WNT9B: variants seen among roughly 807,000 people sequenced by gnomAD.
WNT9B encodes Wnt family member 9B.
WNT9B carries 12 observed loss-of-function variants against 30.2 expected under a neutral mutation model. The ratio of observed to expected loss-of-function variants is 0.40; its 90% CI spans 0.26 to 0.64. The LOEUF (loss-of-function observed/expected upper bound fraction) is 0.64, where lower values mean the gene tolerates loss of function less well. WNT9B is among the 30% of genes least tolerant of loss of function. The probability of loss-of-function intolerance (pLI) is 0.42; values close to 1 mark genes in which losing one functional copy is unlikely to be tolerated. For missense variants in WNT9B, 442 were observed against 485.2 expected (o/e 0.91, Z 0.84); for synonymous variants, 218 against 216.9 (o/e 1.01, Z -0.05).
intron 1 of WNT9B, among the ~76,000 whole-genome samples, chr17:46,853,488 C>G (rs978880973): frequency 2.0e-5 from 3 of 150,850 alleles, no homozygotes; most frequent in Non-Finnish European, 4.4e-5. Flanking sequence ...TCTCCTGCCT[C>G]AGCCTCCTGA....
intron 1 of WNT9B, among the ~76,000 whole-genome samples, chr17:46,839,338 G>T (rs1016379119): frequency 1.3e-5 from 2 of 152,340 alleles, no homozygotes; most frequent in East Asian, 1.9e-4. Context: ...CCAGCTGTGG[G>T]TACCTGACCC....
downstream of WNT9B, chr17:46,885,540 T>C (rs1011509840): frequency 1.3e-5 from 2 of 152,820 alleles, no homozygotes; most frequent in African/African-American, 4.8e-5. Context: ...TGGTCTCAAG[T>C]GATCTGCCAG....
chr17:46,849,567 T>G (rs2084815525), upstream of WNT9B, among the ~76,000 whole-genome samples: 1 of 152,188 alleles, frequency 6.6e-6, no homozygotes, highest in East Asian at 1.9e-4. Flanking sequence ...TGATCGTGGT[T>G]CAAAATCTTA....
chr17:46,841,255 C>T (rs967593520), intron 1 of WNT9B, among the ~76,000 whole-genome samples: 28 of 152,304 alleles, frequency 1.8e-4, no homozygotes, highest in African/African-American at 6.5e-4. Context: ...GTCGGAGAAA[C>T]GGAGGCTCTG....
In WNT9B at chr17:46,880,036, C is replaced by G. The variant is rs964359506; in HGVS notation, c.*3318C>G. On this transcript the variant is annotated 3_prime_UTR_variant, in exon 4 of 4. Transcript: ENST00000290015. ...TTTGCTTGTAAAAATGAATTGTTTT[C>G]CACTGGATTTCTGGCTGCTTTTGCA... Among the ~76,000 whole-genome samples the G allele has an allele frequency of 4.6e-5, 7 of 152,210 alleles. No individual in the cohort carries two copies. Among genetic ancestry groups the G allele is most frequent in the African/African-American group, 1.4e-4 (6 of 41,464 alleles).
chr17:46,881,897 C>T (rs2085427573), downstream of WNT9B, among the ~76,000 whole-genome samples: 1 of 152,222 alleles, frequency 6.6e-6, no homozygotes, highest in Non-Finnish European at 1.5e-5. Context: ...AACAGAACCA[C>T]AAGGCCATCA....
At chr17:46,864,869 A>G (rs1475124738) in intron 1 of WNT9B, among the ~76,000 whole-genome samples, 1 of 152,042 alleles carries the variant, frequency 6.6e-6, no homozygotes, top group African/African-American at 2.4e-5. Context: ...GCTTCCCCGC[A>G]CAGCCTCCAG....
intron 1 of WNT9B, among the ~76,000 whole-genome samples, chr17:46,844,764 T>C (rs1191625304): frequency 6.6e-6 from 1 of 152,198 alleles, no homozygotes; most frequent in Non-Finnish European, 1.5e-5. Context: ...GGCATATTTT[T>C]AAACTTCTAG....
rs946226246 is a variant in WNT9B, at chr17:46,877,441, T to G, written c.*723T>G. ...GTCTCGAGAGCTGGGTTATGCACAC[T>G]CACCCAGCCGTGCTCAAAACTACCA... On this transcript the variant is annotated 3_prime_UTR_variant, in exon 4 of 4. Coordinates refer to ENST00000290015, the MANE Select transcript of WNT9B (RefSeq NM_003396.3). Among the ~76,000 whole-genome samples the G allele has an allele frequency of 6.6e-6, 1 of 152,092 alleles. No homozygotes were observed. Among genetic ancestry groups the G allele is most frequent in the Non-Finnish European group, 1.5e-5 (1 of 67,988 alleles).
chr17:46,861,935 A>C (rs1033869697), intron 1 of WNT9B, among the ~76,000 whole-genome samples: 2 of 152,188 alleles, frequency 1.3e-5, no homozygotes, highest in African/African-American at 4.8e-5. Context: ...AGGCTGAGGC[A>C]GGTGGATCAC....
Position 46,851,606 on chromosome 17 carries a change from G to A in WNT9B, c.-33G>A, listed in dbSNP as rs1008032473. The A allele has an allele frequency of 9.1e-6, 11 of 1,207,814 alleles. No homozygotes were observed. The African/African-American group carries it at 9.5e-5, about 10-fold the overall frequency. The allele number at this position is 1,207,814 out of a possible 1,614,324, so 74.8% of individuals were successfully genotyped here. On this transcript the variant is annotated 5_prime_UTR_variant, in exon 1 of 4. Coordinates refer to ENST00000290015, the MANE Select transcript of WNT9B (RefSeq NM_003396.3). The surrounding 1 kb of genome is among the most constrained non-coding windows in gnomAD (Gnocchi z 4.3). ...GGAGCTGCGAGCTTGAGCGGCGCGA[G>A]GAGATGCTAGAGGGCGCAGCGCCGC... is the stretch of plus-strand genomic sequence containing the variant.
upstream of WNT9B, among the ~76,000 whole-genome samples, chr17:46,848,254 C>T (rs1028852635): frequency 3.3e-5 from 5 of 152,144 alleles, no homozygotes; most frequent in South Asian, 2.1e-4. Context: ...AGCCCGTGTC[C>T]GAGCCCAGGA....
chr17:46,876,935 A>C lies in WNT9B; in HGVS notation c.*217A>C. 1 of 1,322,990 alleles carries C rather than the reference A, an allele frequency of 7.6e-7. No homozygotes were observed. The highest frequency in any genetic ancestry group is 2.8e-5 in the East Asian group (1 of 35,728). The allele number at this position is 1,322,990 out of a possible 1,614,324, so 82.0% of individuals were successfully genotyped here. ...GAAGCAAAGCCTCCTCCCTTAACCCAAGCATCCCCAACCTTGTTGAGGACT... is the reference window on the plus strand; with the variant it reads ...GAAGCAAAGCCTCCTCCCTTAACCCCAGCATCCCCAACCTTGTTGAGGACT... On this transcript the variant is annotated 3_prime_UTR_variant, in exon 4 of 4. Transcript: ENST00000290015.
intron 1 of WNT9B, among the ~76,000 whole-genome samples, chr17:46,842,437 C>T (rs1265194657): frequency 3.9e-5 from 6 of 152,238 alleles, no homozygotes; most frequent in Admixed American, 1.3e-4. Context: ...TGCAGTGGCG[C>T]GATCACGGCT....
At chr17:46,883,592 C>A (rs1019689556), downstream of WNT9B, among the ~76,000 whole-genome samples, 1 of 152,156 alleles carries the variant, frequency 6.6e-6, no homozygotes, top group African/African-American at 2.4e-5. Flanking sequence ...GCCTATGATC[C>A]CCATTTTATA....
At chr17:46,861,778 G>A (rs1454823874) in intron 1 of WNT9B, among the ~76,000 whole-genome samples, 1 of 152,220 alleles carries the variant, frequency 6.6e-6, no homozygotes, top group African/African-American at 2.4e-5. Flanking sequence ...CCAAGAGGCT[G>A]GTTTTAGGGC....
rs145939422 is a variant in WNT9B at position 46,876,346 on chromosome 17, G to C, written c.702G>C (p.Thr234=). 4 of 1,614,000 alleles carry C rather than the reference G, an allele frequency of 2.5e-6. No individual in the cohort carries two copies. Among genetic ancestry groups the C allele is most frequent in the Non-Finnish European group, 2.5e-6 (3 of 1,180,050 alleles). ...CWKQLSPFRE[T]GQVLKLRYDS... is the part of the protein sequence containing the mutation. ...AGCAGCTCTCCCCGTTCCGTGAGAC[G>C]GGCCAGGTGCTGAAACTGCGCTATG... The change falls in exon 4 of 4, where the codon ACG becomes ACC. Residue 234 remains threonine (T), a synonymous_variant. Coordinates refer to ENST00000290015, the MANE Select transcript of WNT9B (RefSeq NM_003396.3).
intron 1 of WNT9B, among the ~76,000 whole-genome samples, chr17:46,859,285 T>C (rs1177079605): frequency 6.6e-6 from 1 of 152,188 alleles, no homozygotes; most frequent in Non-Finnish European, 1.5e-5. Flanking sequence ...CAATCTTAGC[T>C]TTTACCCTTA....
At chr17:46,858,188 C>T (rs1203158702) in intron 1 of WNT9B, among the ~76,000 whole-genome samples, 1 of 152,182 alleles carries the variant, frequency 6.6e-6, no homozygotes, top group African/African-American at 2.4e-5. Flanking sequence ...CCTCGGCCTC[C>T]CAAAGTGCTG....
Sources: allele counts gnomAD v4.1 joint callset (sites outside exome capture counted in the v4.1 genomes callset), GRCh38; gene constraint gnomAD v4.1.1; non-coding constraint Gnocchi (gnomAD v3.1); transcripts MANE v1.5; gene names NCBI Gene and HGNC (gene_info 2026-07-23, HGNC 2026-07-21).